The following SMCO2 variants were observed in gnomAD, a reference collection of about 807,000 sequenced individuals.
SMCO2 encodes the protein single-pass membrane protein with coiled-coil domains 2.
In SMCO2, 25 loss-of-function variants were observed where a neutral mutation model predicts 29.5. The ratio of observed to expected loss-of-function variants is 0.85; its 90% CI spans 0.62 to 1.18. The LOEUF (loss-of-function observed/expected upper bound fraction) is 1.18, where lower values mean the gene tolerates loss of function less well. Ranked by LOEUF, SMCO2 falls within the 50% of genes most tolerant of loss-of-function variation. SMCO2 has a pLI of 0.00. For synonymous variants in SMCO2, 117 were observed against 123.3 expected, an observed-to-expected ratio of 0.95 and a Z score of 0.34; for missense variants, 348 against 344.5, an observed-to-expected ratio of 1.01 and a Z score of -0.08.
the SMCO2 span, among the ~76,000 whole-genome samples, chr12:27,430,621 A>G: frequency 0.015 from 2,332 of 152,258 alleles, 67 homozygotes; most frequent in African/African-American, 0.054. Context: ...CATCTGCCCA[A>G]TGCTACAATC....
chr12:27,431,992 A>G, the SMCO2 span, among the ~76,000 whole-genome samples: 4 of 152,192 alleles, frequency 2.6e-5, no homozygotes, highest in Non-Finnish European at 4.4e-5. Flanking sequence ...GTGCAGTGAT[A>G]TCTCATTGTG....
the SMCO2 span, among the ~76,000 whole-genome samples, chr12:27,443,548 A>C: frequency 1.3e-5 from 2 of 152,348 alleles, no homozygotes; most frequent in South Asian, 4.1e-4. Flanking sequence ...AACAAAAGGC[A>C]TCTAAACTGG....
chr12:27,466,505 G>A (rs990156111), upstream of SMCO2, among the ~76,000 whole-genome samples: 2 of 152,224 alleles, frequency 1.3e-5, no homozygotes, highest in Non-Finnish European at 2.9e-5. Context: ...AGCCTCTGTG[G>A]GAAAGCCAGA....
intron 1 of SMCO2, among the ~76,000 whole-genome samples, chr12:27,469,493 CCTCCCTGTTGCTA>C (rs1426440142): frequency 6.6e-6 from 1 of 152,256 alleles, no homozygotes; most frequent in Non-Finnish European, 1.5e-5. Context: ...CCTGATTATT[CCTCCCTGTTGCTA>C]GTCCCTGCCA....
the SMCO2 span, among the ~76,000 whole-genome samples, chr12:27,455,751 A>G: frequency 2.0e-5 from 3 of 152,258 alleles, no homozygotes; most frequent in Non-Finnish European, 4.4e-5. Context: ...AGGAGGAATC[A>G]ATGGCTTATA....
chr12:27,487,274 T>C (rs560577938), intron 4 of SMCO2, among the ~76,000 whole-genome samples: 2 of 152,290 alleles, frequency 1.3e-5, no homozygotes, highest in African/African-American at 4.8e-5. Context: ...CTGTTCCACA[T>C]GTCTATAATT....
chr12:27,454,294 A>T, the SMCO2 span, among the ~76,000 whole-genome samples: 6 of 152,190 alleles, frequency 3.9e-5, no homozygotes, highest in African/African-American at 1.4e-4. Flanking sequence ...CTCTCTGTGA[A>T]TCAATATGAA....
intron 1 of SMCO2, among the ~76,000 whole-genome samples, chr12:27,468,202 C>T (rs754052639): frequency 6.6e-6 from 1 of 152,122 alleles, no homozygotes; most frequent in Non-Finnish European, 1.5e-5. Context: ...AAGTTTAGCT[C>T]TTATTTACTG....
exon 2 of SMCO2, chr12:27,470,720 A>G (rs1428273762): frequency 1.9e-6 from 3 of 1,551,208 alleles, no homozygotes; most frequent in South Asian, 1.2e-5. Context: ...AAGAAAAACA[A>G]TGGCTTTTTC....
At chr12:27,424,979 T>C in the SMCO2 span, 2 of 152,156 alleles carry the variant, frequency 1.3e-5, no homozygotes, top group African/African-American at 4.8e-5. Context: ...TCCTGACACA[T>C]AAGAACTTTG....
chr12:27,475,192 A>G (rs1016612838), intron 4 of SMCO2, among the ~76,000 whole-genome samples: 23 of 152,294 alleles, frequency 1.5e-4, no homozygotes, highest in African/African-American at 5.3e-4. Context: ...ATAATTTTCT[A>G]GATAGGAAAA....
intron 4 of SMCO2, among the ~76,000 whole-genome samples, chr12:27,485,735 C>G (rs964716921): frequency 6.6e-6 from 1 of 152,168 alleles, no homozygotes; most frequent in Non-Finnish European, 1.5e-5. Context: ...GTGTGAGCCA[C>G]GGCACTCAGC....
chr12:27,436,378 G>A, the SMCO2 span, among the ~76,000 whole-genome samples: 5 of 152,102 alleles, frequency 3.3e-5, no homozygotes, highest in Admixed American at 6.5e-5. Context: ...TAGGGGATGG[G>A]TGGGAACCAT....
intron 1 of SMCO2, among the ~76,000 whole-genome samples, chr12:27,467,318 G>A (rs1336965072): frequency 6.6e-6 from 1 of 151,974 alleles, no homozygotes; most frequent in Non-Finnish European, 1.5e-5. Flanking sequence ...AAGCCAATGG[G>A]GTAAGCACAC....
chr12:27,454,908 T>TC, the SMCO2 span, among the ~76,000 whole-genome samples: 4 of 68,526 alleles, frequency 5.8e-5, no homozygotes, highest in Non-Finnish European at 1.6e-4. Context: ...CATGAGCTCA[T>TC]CCTTTTTTAT....
the SMCO2 span, among the ~76,000 whole-genome samples, chr12:27,439,581 A>G: frequency 6.6e-6 from 1 of 152,202 alleles, no homozygotes; most frequent in East Asian, 1.9e-4. Context: ...AAGGAAACTC[A>G]GCGATCTCCA....
intron 5 of SMCO2, among the ~76,000 whole-genome samples, chr12:27,489,076 T>A (rs1429853808): frequency 6.6e-6 from 1 of 151,880 alleles, no homozygotes; most frequent in Admixed American, 6.6e-5. Flanking sequence ...TGAGACAGAG[T>A]CTCACTCTGT....
At chr12:27,480,474 A>G (rs572792405) in intron 4 of SMCO2, among the ~76,000 whole-genome samples, 68 of 152,194 alleles carry the variant, frequency 4.5e-4, no homozygotes, top group African/African-American at 1.6e-3. Flanking sequence ...ATTAACTATC[A>G]CAAGTCAACC....
chr12:27,450,607 T>C, the SMCO2 span, among the ~76,000 whole-genome samples: 1 of 152,202 alleles, frequency 6.6e-6, no homozygotes, highest in Non-Finnish European at 1.5e-5. Flanking sequence ...CAACCCAAAG[T>C]GCTCACAGAG....
Sources: allele counts gnomAD v4.1 joint callset (sites outside exome capture counted in the v4.1 genomes callset), GRCh38; gene constraint gnomAD v4.1.1; transcripts MANE v1.5; gene names NCBI Gene and HGNC (gene_info 2026-07-23, HGNC 2026-07-21).